MYO6: variants seen among roughly 807,000 people sequenced by gnomAD.
MYO6 encodes the protein unconventional myosin-VI.
Under a neutral mutation model 178.7 loss-of-function variants are expected in MYO6, and 74 were observed. The ratio of observed to expected loss-of-function variants is 0.41; its 90% CI spans 0.34 to 0.50. MYO6 has a LOEUF of 0.50. Ranked by LOEUF, MYO6 falls within the 20% of genes least tolerant of loss-of-function variation. The pLI is 0.09. For missense variants in MYO6, 1,330 were observed against 1,547.4 expected, an observed-to-expected ratio of 0.86 and a Z score of 2.36; for synonymous variants, 477 against 504.6, an observed-to-expected ratio of 0.95 and a Z score of 0.73.
At chr6:75,892,767 A>G (rs1583387662) in intron 28 of MYO6, 77 bp downstream of exon 28, 2 of 1,497,772 alleles carry the variant, frequency 1.3e-6, no homozygotes, top group Admixed American at 1.8e-5. Context: ...TTCCATGCAG[A>G]AGGGAATAGG....
At chr6:75,880,972 T>G (rs376152263) in intron 22 of MYO6, among the ~76,000 whole-genome samples, 21 of 152,062 alleles carry the variant, frequency 1.4e-4, no homozygotes, top group African/African-American at 4.6e-4. Context: ...GAAATGGGGG[T>G]TGGGCGCTGT....
At chr6:75,825,009 T>C (rs186260710) in intron 3 of MYO6, among the ~76,000 whole-genome samples, 5 of 152,244 alleles carry the variant, frequency 3.3e-5, no homozygotes, top group Admixed American at 1.3e-4. Context: ...TCTGCCTGCC[T>C]TGGGCTCCCA....
intron 5 of MYO6, among the ~76,000 whole-genome samples, chr6:75,831,067 C>T (rs1296417897): frequency 6.6e-6 from 1 of 152,296 alleles, no homozygotes; most frequent in Non-Finnish European, 1.5e-5. Flanking sequence ...ACTGGAGAAT[C>T]TATGTGGGAA....
chr6:75,868,248 G>A (rs1194911320), intron 18 of MYO6, among the ~76,000 whole-genome samples: 1 of 151,526 alleles, frequency 6.6e-6, no homozygotes, highest in Admixed American at 6.6e-5. Context: ...TGAATAAAAA[G>A]CCTTGAATTT....
chr6:75,852,395 G>A (rs1012610293), intron 11 of MYO6, among the ~76,000 whole-genome samples: 2 of 151,918 alleles, frequency 1.3e-5, no homozygotes, highest in Non-Finnish European at 2.9e-5. Context: ...CTCAATTGAA[G>A]TGTATATTTC....
intron 1 of MYO6, among the ~76,000 whole-genome samples, chr6:75,801,012 C>T (rs1197544884): frequency 2.6e-5 from 4 of 152,198 alleles, no homozygotes; most frequent in Non-Finnish European, 5.9e-5. Flanking sequence ...TGTGAGCCAC[C>T]GTGCCTGGCC....
At chr6:75,841,160 A>G in intron 8 of MYO6, 54 bp from the exon 9 acceptor site, 3 of 1,511,770 alleles carry the variant, frequency 2.0e-6, no homozygotes, top group South Asian at 1.1e-5. Context: ...TTGGTTAATT[A>G]TATTTTAAGA....
chr6:75,814,119 T>G (rs1379745861), intron 1 of MYO6, among the ~76,000 whole-genome samples: 1 of 152,094 alleles, frequency 6.6e-6, no homozygotes, highest in Non-Finnish European at 1.5e-5. Context: ...CTTTTCAAGT[T>G]TATTTAGGAC....
intron 30 of MYO6, among the ~76,000 whole-genome samples, chr6:75,900,444 G>A (rs1341274153): frequency 6.6e-6 from 1 of 152,214 alleles, no homozygotes; most frequent in Non-Finnish European, 1.5e-5. Context: ...GATGTGAGAT[G>A]GTATGTCATT....
At chr6:75,887,018 CTT>C in intron 25 of MYO6, 24 bp downstream of exon 25, 1 of 1,597,316 alleles carries the variant, frequency 6.3e-7, no homozygotes, top group Non-Finnish European at 8.6e-7. Flanking sequence ...ACCCGAATGA[CTT>C]TGACTTTTTA....
At position 75,845,986 on chromosome 6, in the gene MYO6, C is replaced by CA. The variant is rs35630499; in HGVS notation, c.897+1022dup. Among the ~76,000 whole-genome samples the CA allele has an allele frequency of 5.7e-3, 618 of 108,086 alleles. 8 individuals are homozygous for CA. The highest frequency in any genetic ancestry group is 0.015 in the African/African-American group (431 of 28,214). The allele number at this position is 108,086 out of a possible 152,430, so 70.9% of individuals were successfully genotyped here. On this transcript the variant is annotated intron_variant, in intron 10 of 34. Transcript: ENST00000369977. ...TGGGCGACAGAACGAGACTCTGTCTCAAAAAAAAAAAAAGCTTATATATTA... is the reference window on the plus strand; with the variant it reads ...TGGGCGACAGAACGAGACTCTGTCTCAAAAAAAAAAAAAAGCTTATATATTA...
chr6:75,908,465 A>ATTT, intron 31 of MYO6, 31 bp from the exon 32 acceptor site: 6 of 1,191,716 alleles, frequency 5.0e-6, no homozygotes, highest in African/African-American at 1.5e-5. Flanking sequence ...TAACATGTCA[A>ATTT]TTTTTTTTTT....
At position 75,817,650 on chromosome 6, in the gene MYO6, A is replaced by G. The variant is rs375031921; in HGVS notation, c.103A>G (p.Asn35Asp). 2 of 1,613,782 alleles carry G rather than the reference A, an allele frequency of 1.2e-6. No individual in the cohort carries two copies. The highest frequency in any genetic ancestry group is 8.5e-7 in the Non-Finnish European group (1 of 1,179,732). The change falls in exon 2 of 35, where the codon AAT (asparagine) becomes GAT (aspartate). Residue 35 changes from asparagine to aspartate, a missense_variant. Around this residue, in one of 3 missense-constraint regions of MYO6, gnomAD observed 116 missense variants for 104.6 expected, o/e 1.11. Coordinates refer to ENST00000369977, the MANE Select transcript of MYO6 (RefSeq NM_004999.4). ...GPDSLTIEPLNQKGKTFLALI... is the reference protein window; with the variant it reads ...GPDSLTIEPLDQKGKTFLALI... ...CGACAGCTTAACAATTGAACCCTTG[A>G]ATCAGAAAGGCAAGGTGAGTTTCTC...
At position 75,880,031 on chromosome 6, in the gene MYO6, T is replaced by C; in HGVS notation, c.2209-12T>C. On this transcript the variant is annotated splice_polypyrimidine_tract_variant and intron_variant, in intron 21 of 34. Coordinates refer to ENST00000369977, the MANE Select transcript of MYO6 (RefSeq NM_004999.4). ...ATAATTGACATTTAACTTTTTAACT[T>C]TTATTTTTCAGGCTTTGTTTAAAGC... The C allele has an allele frequency of 6.2e-7, 1 of 1,613,472 alleles. No individual in the cohort carries two copies. Among genetic ancestry groups the C allele is most frequent in the Non-Finnish European group, 8.5e-7 (1 of 1,179,708 alleles).
chr6:75,841,203 T>C lies in MYO6; in HGVS notation c.652-11T>C. On this transcript the variant is annotated splice_polypyrimidine_tract_variant and intron_variant, in intron 8 of 34. Coordinates refer to ENST00000369977, the MANE Select transcript of MYO6 (RefSeq NM_004999.4). ...TGCAAAAATATATTTTCTCTGTGTT[T>C]TGTTTTTTAGAGCTCAGTTGTTGGA... The C allele has an allele frequency of 6.2e-7, 1 of 1,612,382 alleles. No individual in the cohort carries two copies. The highest frequency in any genetic ancestry group is 8.5e-7 in the Non-Finnish European group (1 of 1,178,834).
intron 1 of MYO6, among the ~76,000 whole-genome samples, chr6:75,790,627 C>T (rs192175907): frequency 6.6e-6 from 1 of 152,290 alleles, no homozygotes; most frequent in Admixed American, 6.5e-5. Flanking sequence ...GATCCGCCTG[C>T]CTCGGCCTCC....
At position 75,753,455 on chromosome 6, in the gene MYO6, GTATA is replaced by G. The variant is rs58108910; in HGVS notation, c.-48+4054_-48+4057del. On this transcript the variant is annotated intron_variant, in intron 1 of 34. Transcript: ENST00000369977. The stretch of plus-strand genomic sequence containing the variant: ...ATGATCTATATATGTGTGTGTGTGT[GTATA>G]TATATATATATATATATATATGTTT... Among the ~76,000 whole-genome samples the G allele has an allele frequency of 6.7e-3, 931 of 139,946 alleles. 11 individuals carry two copies. Among genetic ancestry groups the G allele is most frequent in the African/African-American group, 0.016 (613 of 37,228 alleles). 91.8% of individuals were successfully genotyped at this position (139,946 alleles called of 152,430 possible).
At chr6:75,845,980 C>G (rs969314555) in intron 10 of MYO6, among the ~76,000 whole-genome samples, 36 of 144,040 alleles carry the variant, frequency 2.5e-4, no homozygotes, top group Admixed American at 2.4e-3. Context: ...GAACGAGACT[C>G]TGTCTCAAAA....
intron 16 of MYO6, among the ~76,000 whole-genome samples, chr6:75,864,051 T>C (rs1776443078): frequency 6.6e-6 from 1 of 152,046 alleles, no homozygotes; most frequent in Admixed American, 6.6e-5. Context: ...TGCTGCCTCA[T>C]CTCATAGACA....
Sources: gnomAD v4.1 joint callset for allele counts (sites outside exome capture counted in the v4.1 genomes callset) on GRCh38, gnomAD v4.1.1 for gene constraint, gnomAD v4.1.1 regional missense constraint, MANE v1.5 for transcripts, NCBI Gene and HGNC (gene_info 2026-07-23, HGNC 2026-07-21) for gene names.